Variants in CWC27 observed in about 807,000 individuals in gnomAD.
CWC27 encodes spliceosome-associated protein CWC27 homolog.
In CWC27, 47 loss-of-function variants were observed where a neutral mutation model predicts 63.6. That is an observed-to-expected ratio of 0.74 (90% CI 0.58 to 0.94). The LOEUF (loss-of-function observed/expected upper bound fraction) is 0.94. Ranked by LOEUF, CWC27 falls within the 40% of genes least tolerant of loss-of-function variation. The pLI, the probability that CWC27 is intolerant of heterozygous loss-of-function variation, is 0.00. For synonymous variants in CWC27, 175 were observed against 179.8 expected, an observed-to-expected ratio of 0.97 and a Z score of 0.22; for missense variants, 495 against 554.3, an observed-to-expected ratio of 0.89 and a Z score of 1.07.
At chr5:65,004,563 T>G (rs1002991054) in intron 13 of CWC27, among the ~76,000 whole-genome samples, 15 of 134,048 alleles carry the variant, frequency 1.1e-4, no homozygotes, top group Non-Finnish European at 7.9e-5. Flanking sequence ...ATGATATCTA[T>G]CTCGTTGAAT....
chr5:64,996,569 C>T (rs2112462569), intron 13 of CWC27, among the ~76,000 whole-genome samples: 1 of 151,174 alleles, frequency 6.6e-6, no homozygotes, highest in Non-Finnish European at 1.5e-5. Context: ...GGGGAAAAGT[C>T]TAGTGCCCAA....
intron 10 of CWC27, among the ~76,000 whole-genome samples, chr5:64,814,771 A>T (rs1450625174): frequency 6.6e-6 from 1 of 152,194 alleles, no homozygotes; most frequent in Admixed American, 6.6e-5. Context: ...ATATATTATA[A>T]TATAACTCTT....
At chr5:64,860,337 G>T (rs1746366157) in intron 10 of CWC27, among the ~76,000 whole-genome samples, 1 of 151,994 alleles carries the variant, frequency 6.6e-6, no homozygotes. Flanking sequence ...AGCATTTATA[G>T]TAAACAAAAC....
chr5:64,797,149 A>G (rs1025289991), intron 7 of CWC27, among the ~76,000 whole-genome samples: 2 of 152,066 alleles, frequency 1.3e-5, no homozygotes, highest in African/African-American at 4.8e-5. Flanking sequence ...TTCACTAAAT[A>G]TATTTAGTAT....
intron 2 of CWC27, among the ~76,000 whole-genome samples, chr5:64,778,244 A>T (rs1217021480): frequency 1.3e-5 from 2 of 151,874 alleles, no homozygotes; most frequent in East Asian, 1.9e-4. Context: ...TCAGGATAGT[A>T]GTTGCTTGCT....
chr5:64,920,396 A>G (rs113284431), intron 11 of CWC27, among the ~76,000 whole-genome samples: 45,625 of 152,026 alleles, frequency 0.3, 7,212 homozygotes, highest in East Asian at 0.52. Flanking sequence ...GAGGATTTTT[A>G]CATCCATGTT....
chr5:64,926,793 A>G (rs1561159314), intron 11 of CWC27, among the ~76,000 whole-genome samples: 1 of 152,174 alleles, frequency 6.6e-6, no homozygotes, highest in Admixed American at 6.5e-5. Flanking sequence ...TAACTTTCCT[A>G]CTATGAGCAG....
chr5:64,959,613 A>G (rs1748865046), intron 11 of CWC27, among the ~76,000 whole-genome samples: 1 of 152,158 alleles, frequency 6.6e-6, no homozygotes, highest in Admixed American at 6.5e-5. Flanking sequence ...TCTCACCTTT[A>G]TTTAACAAGT....
At chr5:64,853,286 A>AT in intron 10 of CWC27, among the ~76,000 whole-genome samples, 1 of 152,204 alleles carries the variant, frequency 6.6e-6, no homozygotes, top group East Asian at 1.9e-4. Flanking sequence ...TTGAATCATG[A>AT]ACCTCTGTTT....
In CWC27 at chr5:64,784,944, T is replaced by C. The variant is rs547986357; in HGVS notation, c.397-537T>C. 3.3e-5 allele frequency among the ~76,000 whole-genome samples: 5 copies of C among 152,300 alleles called. 1 individual carries two copies. Among genetic ancestry groups the C allele is most frequent in the African/African-American group, 1.2e-4 (5 of 41,568 alleles). ...TGCCATTCTGCATCAGTTTTTACAA[T>C]TGGGTTATATAACTAACACATCAGA... On this transcript the variant is annotated intron_variant, in intron 4 of 13. Transcript: ENST00000381070.
intron 10 of CWC27, among the ~76,000 whole-genome samples, chr5:64,814,448 A>T (rs141432904): frequency 1.5e-3 from 221 of 152,276 alleles, no homozygotes; most frequent in African/African-American, 5.0e-3. Context: ...ACAGATATTT[A>T]TTATTATTCT....
chr5:64,986,489 G>A (rs1213845795), intron 13 of CWC27, among the ~76,000 whole-genome samples: 1 of 152,158 alleles, frequency 6.6e-6, no homozygotes, highest in African/African-American at 2.4e-5. Flanking sequence ...TTGGTTTGTG[G>A]TTTTCTCTTC....
At position 64,809,822 on chromosome 5, in the gene CWC27, G is replaced by A. The variant is rs371245094; in HGVS notation, c.938+5436G>A. ...GCCCCTTATCAGATGTATGATTTGC[G>A]AATATTTTCTCCCAATCCATGGGTT... On this transcript the variant is annotated intron_variant, in intron 10 of 13. Coordinates refer to ENST00000381070, the MANE Select transcript of CWC27 (RefSeq NM_005869.4). 4.5e-4 allele frequency among the ~76,000 whole-genome samples: 69 copies of A among 152,204 alleles called. No homozygotes were observed. In the South Asian group the frequency reaches 0.014, roughly 31 times the overall value.
At chr5:64,874,151 ATGCTT>A (rs1746739117) in intron 10 of CWC27, among the ~76,000 whole-genome samples, 1 of 76,550 alleles carries the variant, frequency 1.3e-5, no homozygotes, top group African/African-American at 5.1e-5. Context: ...TCTATTGTTG[ATGCTT>A]TTTTTTTTTT....
At chr5:64,981,842 A>G (rs1020091705) in intron 13 of CWC27, among the ~76,000 whole-genome samples, 17 of 152,266 alleles carry the variant, frequency 1.1e-4, no homozygotes, top group Non-Finnish European at 2.2e-4. Flanking sequence ...TCCTCTTCTT[A>G]GGAGCCTTAT....
At chr5:64,820,584 A>G (rs1745170910) in intron 10 of CWC27, among the ~76,000 whole-genome samples, 1 of 152,174 alleles carries the variant, frequency 6.6e-6, no homozygotes, top group African/African-American at 2.4e-5. Flanking sequence ...ATAGAGAGAT[A>G]GATCAGTGGG....
At chr5:64,936,214 C>G (rs181173689) in intron 11 of CWC27, among the ~76,000 whole-genome samples, 172 of 152,296 alleles carry the variant, frequency 1.1e-3, no homozygotes, top group Admixed American at 8.3e-3. Flanking sequence ...TTTGCCCAGT[C>G]AGTATGATAT....
chr5:64,852,628 T>TG (rs566688543), intron 10 of CWC27, among the ~76,000 whole-genome samples: 1 of 152,084 alleles, frequency 6.6e-6, no homozygotes, highest in Non-Finnish European at 1.5e-5. Context: ...CCTGCCACCA[T>TG]GCCCCAGCTA....
intron 1 of CWC27, among the ~76,000 whole-genome samples, chr5:64,769,585 C>T (rs1743167024): frequency 6.6e-6 from 1 of 152,140 alleles, no homozygotes; most frequent in African/African-American, 2.4e-5. Context: ...CTGTACTAGG[C>T]GCCGGAGATA....
Sources: gnomAD v4.1 joint callset for allele counts (sites outside exome capture counted in the v4.1 genomes callset) on GRCh38, gnomAD v4.1.1 for gene constraint, MANE v1.5 for transcripts, NCBI Gene and HGNC (gene_info 2026-07-23, HGNC 2026-07-21) for gene names.